PTPRD: variants seen among roughly 807,000 people sequenced by gnomAD.
PTPRD encodes receptor-type tyrosine-protein phosphatase delta.
PTPRD carries 34 observed loss-of-function variants against 214.5 expected under a neutral mutation model. That is an observed-to-expected ratio of 0.16 (90% CI 0.12 to 0.21). The LOEUF is 0.21. Among genes scored for constraint, PTPRD ranks in the 10% least tolerant of loss-of-function variants. The probability of loss-of-function intolerance (pLI) is 1.00; values close to 1 mark genes in which losing one functional copy is unlikely to be tolerated. For synonymous variants in PTPRD, 1,128 were observed against 845.7 expected, an observed-to-expected ratio of 1.33 and a Z score of -5.79; for missense variants, 2,545 against 2,398.7, an observed-to-expected ratio of 1.06 and a Z score of -1.27.
intron 2 of PTPRD, among the ~76,000 whole-genome samples, chr9:10,503,966 A>T (rs1017336635): frequency 6.6e-6 from 1 of 151,224 alleles, no homozygotes; most frequent in African/African-American, 2.4e-5. Context: ...AATACAAAAA[A>T]TTAGCCGGGC....
intron 2 of PTPRD, among the ~76,000 whole-genome samples, chr9:10,482,525 A>G (rs758442054): frequency 2.6e-5 from 4 of 151,784 alleles, no homozygotes; most frequent in Non-Finnish European, 5.9e-5. Flanking sequence ...AGAAAACCCT[A>G]AAAGACCCCT....
At chr9:9,088,032 C>A (rs1591394585) in intron 10 of PTPRD, among the ~76,000 whole-genome samples, 1 of 151,406 alleles carries the variant, frequency 6.6e-6, no homozygotes, top group Non-Finnish European at 1.5e-5. Flanking sequence ...CAAGCGTGCA[C>A]CACCATGCCT....
intron 12 of PTPRD, among the ~76,000 whole-genome samples, chr9:8,659,392 A>G (rs1668268082): frequency 6.6e-6 from 1 of 152,190 alleles, no homozygotes; most frequent in Non-Finnish European, 1.5e-5. Context: ...AAAATATTAC[A>G]CTATCCCATC....
At chr9:9,338,383 G>A (rs535656768) in intron 9 of PTPRD, among the ~76,000 whole-genome samples, 41 of 152,242 alleles carry the variant, frequency 2.7e-4, no homozygotes, top group Non-Finnish European at 5.0e-4. Flanking sequence ...TTTAAACAAC[G>A]AGTTGATTTG....
intron 2 of PTPRD, among the ~76,000 whole-genome samples, chr9:10,382,121 A>G (rs1168336303): frequency 6.6e-6 from 1 of 151,852 alleles, no homozygotes; most frequent in African/African-American, 2.4e-5. Flanking sequence ...ATTTGGTATT[A>G]AAGTCTGAGG....
At chr9:10,436,487 G>T (rs574551115) in intron 2 of PTPRD, among the ~76,000 whole-genome samples, 13 of 151,722 alleles carry the variant, frequency 8.6e-5, no homozygotes, top group Non-Finnish European at 1.0e-4. Flanking sequence ...TTGAGAAATA[G>T]AATAAATCAT....
intron 36 of PTPRD, among the ~76,000 whole-genome samples, chr9:8,398,050 T>A (rs1023672474): frequency 1.3e-5 from 2 of 152,196 alleles, no homozygotes; most frequent in African/African-American, 4.8e-5. Flanking sequence ...TTCAAATATA[T>A]GCAGCTTTCT....
chr9:8,430,603 A>T (rs2094979906), intron 35 of PTPRD, among the ~76,000 whole-genome samples: 1 of 152,076 alleles, frequency 6.6e-6, no homozygotes, highest in African/African-American at 2.4e-5. Flanking sequence ...ACACAAAGAC[A>T]TCATCAATAT....
intron 14 of PTPRD, among the ~76,000 whole-genome samples, chr9:8,623,386 A>G (rs1331858019): frequency 6.6e-6 from 1 of 151,930 alleles, no homozygotes; most frequent in Non-Finnish European, 1.5e-5. Flanking sequence ...GGATCCTACA[A>G]CAGCCAAATG....
intron 8 of PTPRD, among the ~76,000 whole-genome samples, chr9:9,436,875 C>G (rs1290207771): frequency 1.5e-5 from 2 of 137,510 alleles, no homozygotes; most frequent in African/African-American, 2.7e-5. Context: ...ATATACCAAA[C>G]AAAGTTACTA....
At chr9:8,781,084 A>T (rs192065962) in intron 11 of PTPRD, among the ~76,000 whole-genome samples, 4 of 152,124 alleles carry the variant, frequency 2.6e-5, no homozygotes, top group Admixed American at 2.0e-4. Flanking sequence ...CTCCAATTTC[A>T]CCAACCACTT....
chr9:8,522,133 C>G lies in PTPRD; in HGVS notation c.692-587G>C, dbSNP rs79681985. ...CCTCACACTAACACTGGAACAAACA[C>G]AGAAATGTATATACATATTGATTTA... On this transcript the variant is annotated intron_variant, in intron 19 of 45. Coordinates refer to ENST00000381196, the MANE Select transcript of PTPRD (RefSeq NM_002839.4). 8.5e-5 allele frequency among the ~76,000 whole-genome samples: 13 copies of G among 152,226 alleles called. No individual in the cohort carries two copies. The East Asian group carries it at 2.5e-3, about 29-fold the overall frequency.
At chr9:9,735,303 T>C (rs1467118157) in intron 6 of PTPRD, among the ~76,000 whole-genome samples, 3 of 152,146 alleles carry the variant, frequency 2.0e-5, no homozygotes, top group African/African-American at 7.2e-5. Context: ...AGCAGAAATA[T>C]TGAACTTCTA....
At chr9:8,792,037 T>A (rs74383129) in intron 11 of PTPRD, among the ~76,000 whole-genome samples, 2 of 152,148 alleles carry the variant, frequency 1.3e-5, no homozygotes, top group African/African-American at 4.8e-5. Flanking sequence ...AAATTATCTG[T>A]CACAATCATT....
chr9:8,373,864 GTCTATCTATCTATCTATCTATCTATCTA>G (rs368216657), intron 39 of PTPRD, among the ~76,000 whole-genome samples: 9 of 107,938 alleles, frequency 8.3e-5, no homozygotes, highest in East Asian at 8.0e-4. Context: ...GTGTCTGTCT[GTCTATCTATCTATCTATCTATCTATCTA>G]TCTATCTATC....
chr9:8,474,201 C>T (rs1257559072), intron 30 of PTPRD, among the ~76,000 whole-genome samples: 3 of 152,170 alleles, frequency 2.0e-5, no homozygotes, highest in Admixed American at 1.3e-4. Context: ...GTAACAAACC[C>T]CTTCTTTTTT....
At chr9:9,580,947 T>C (rs2090592969) in intron 7 of PTPRD, among the ~76,000 whole-genome samples, 1 of 152,088 alleles carries the variant, frequency 6.6e-6, no homozygotes, top group African/African-American at 2.4e-5. Flanking sequence ...GTTGTGTTGT[T>C]GTCAAATATT....
intron 2 of PTPRD, among the ~76,000 whole-genome samples, chr9:10,552,484 A>C (rs77017945): frequency 6.6e-6 from 1 of 151,850 alleles, no homozygotes; most frequent in Non-Finnish European, 1.5e-5. Flanking sequence ...TTTTTTCTAC[A>C]TGATCATGTG....
intron 10 of PTPRD, among the ~76,000 whole-genome samples, chr9:9,077,426 G>C (rs2099752918): frequency 6.6e-6 from 1 of 151,898 alleles, no homozygotes; most frequent in Non-Finnish European, 1.5e-5. Context: ...TCCTAATGTA[G>C]TAAGTCTTTT....
Sources: allele counts gnomAD v4.1 joint callset (sites outside exome capture counted in the v4.1 genomes callset), GRCh38; gene constraint gnomAD v4.1.1; transcripts MANE v1.5; gene names NCBI Gene and HGNC (gene_info 2026-07-23, HGNC 2026-07-21).